PRKACB: variants seen among roughly 807,000 people sequenced by gnomAD.
PRKACB encodes the protein cAMP-dependent protein kinase catalytic subunit beta.
A neutral mutation model predicts 51.4 loss-of-function variants in PRKACB; 16 were observed. The ratio of observed to expected loss-of-function variants is 0.31; its 90% CI spans 0.21 to 0.47. The LOEUF is 0.47. PRKACB is among the 20% of genes least tolerant of loss of function. The pLI, the probability that PRKACB is intolerant of heterozygous loss-of-function variation, is 1.00. For missense variants in PRKACB, 309 were observed against 464.5 expected, an observed-to-expected ratio of 0.67 and a Z score of 3.08; for synonymous variants, 147 against 154.4, an observed-to-expected ratio of 0.95 and a Z score of 0.35.
At chr1:84,082,953 CAG>C (rs1336265237) in intron 1 of PRKACB, among the ~76,000 whole-genome samples, 4 of 152,136 alleles carry the variant, frequency 2.6e-5, no homozygotes, top group African/African-American at 9.7e-5. Flanking sequence ...CTTATTTCCT[CAG>C]AATAAGCATT....
At chr1:84,196,096 A>G (rs1249380848) in intron 5 of PRKACB, among the ~76,000 whole-genome samples, 1 of 152,194 alleles carries the variant, frequency 6.6e-6, no homozygotes, top group Non-Finnish European at 1.5e-5. Context: ...ATATTTTTCC[A>G]TAACGAGCGT....
intron 1 of PRKACB, among the ~76,000 whole-genome samples, chr1:84,153,238 C>T (rs550600329): frequency 2.0e-5 from 3 of 152,012 alleles, no homozygotes; most frequent in South Asian, 2.1e-4. Flanking sequence ...GAACACAGAT[C>T]GCCATAACAG....
At chr1:84,145,235 G>A (rs1403720276) in intron 1 of PRKACB, among the ~76,000 whole-genome samples, 2 of 151,992 alleles carry the variant, frequency 1.3e-5, no homozygotes, top group Non-Finnish European at 1.5e-5. Context: ...ACCATTTTTG[G>A]TGCCATACAC....
chr1:84,082,457 A>G (rs949832810), intron 1 of PRKACB, among the ~76,000 whole-genome samples: 2 of 152,130 alleles, frequency 1.3e-5, no homozygotes, highest in East Asian at 3.9e-4. Flanking sequence ...AACCACATAA[A>G]ACTAATTTTA....
chr1:84,172,427 CA>C (rs1217723054), intron 1 of PRKACB, among the ~76,000 whole-genome samples: 2 of 151,556 alleles, frequency 1.3e-5, no homozygotes, highest in Non-Finnish European at 3.0e-5. Flanking sequence ...GTTTTCATTA[CA>C]AAATTATGTA....
At chr1:84,202,934 G>C (rs1314109745) in intron 8 of PRKACB, 129 bp downstream of exon 8, 2 of 815,842 alleles carry the variant, frequency 2.5e-6, no homozygotes, top group Non-Finnish European at 1.7e-6. Flanking sequence ...TACAGTTGCT[G>C]CTCTTACTAT....
chr1:84,203,721 C>A (rs1018868415), intron 8 of PRKACB, among the ~76,000 whole-genome samples: 7 of 151,890 alleles, frequency 4.6e-5, no homozygotes, highest in African/African-American at 1.7e-4. Context: ...CCCACATAGT[C>A]CCATTTAGAA....
upstream of PRKACB, among the ~76,000 whole-genome samples, chr1:84,139,611 A>T (rs1653180737): frequency 6.6e-6 from 1 of 152,212 alleles, no homozygotes. Context: ...ATGATTATGG[A>T]TTGAAAGACT....
chr1:84,089,664 C>G (rs576901025), intron 1 of PRKACB, among the ~76,000 whole-genome samples: 32 of 152,168 alleles, frequency 2.1e-4, no homozygotes, highest in Non-Finnish European at 4.1e-4. Context: ...CATCTATCAT[C>G]ACTGCACCTC....
At chr1:84,195,779 G>C (rs767704540) in intron 5 of PRKACB, among the ~76,000 whole-genome samples, 6 of 152,002 alleles carry the variant, frequency 3.9e-5, no homozygotes, top group African/African-American at 4.8e-5. Context: ...CGGGCATGGT[G>C]GTGGGCGCTT....
chr1:84,181,509 A>G (rs1663462819), intron 2 of PRKACB: 1 of 429,414 alleles, frequency 2.3e-6, no homozygotes, highest in Non-Finnish European at 3.9e-6. Flanking sequence ...ATAACAAAAC[A>G]TCTATTCAAG....
intron 8 of PRKACB, chr1:84,204,367 GA>G: frequency 1.2e-5 from 9 of 765,720 alleles, no homozygotes; most frequent in Non-Finnish European, 2.0e-5. Flanking sequence ...AGGCAATACA[GA>G]AAAGCAGAAT....
At chr1:84,142,839 ATGT>A (rs1653557369), upstream of PRKACB, among the ~76,000 whole-genome samples, 1 of 152,202 alleles carries the variant, frequency 6.6e-6, no homozygotes, top group African/African-American at 2.4e-5. Flanking sequence ...TTGGCCTTTT[ATGT>A]AGTCCTAATT....
At chr1:84,094,357 T>G (rs986172825) in intron 1 of PRKACB, among the ~76,000 whole-genome samples, 12 of 152,064 alleles carry the variant, frequency 7.9e-5, no homozygotes, top group Admixed American at 6.6e-4. Flanking sequence ...TAATATTGCA[T>G]ACCTGGAATA....
At chr1:84,154,719 G>A (rs1025454463) in intron 1 of PRKACB, among the ~76,000 whole-genome samples, 5 of 151,990 alleles carry the variant, frequency 3.3e-5, no homozygotes, top group Admixed American at 6.6e-5. Context: ...CACCACAATC[G>A]AGGATGGTTC....
intron 1 of PRKACB, among the ~76,000 whole-genome samples, chr1:84,154,077 G>A (rs1397590659): frequency 6.6e-6 from 1 of 152,082 alleles, no homozygotes; most frequent in Non-Finnish European, 1.5e-5. Flanking sequence ...CAGATGTGAG[G>A]TAGTAGCTCA....
At chr1:84,226,992 C>T (rs887748839) in intron 9 of PRKACB, among the ~76,000 whole-genome samples, 1 of 151,972 alleles carries the variant, frequency 6.6e-6, no homozygotes, top group Non-Finnish European at 1.5e-5. Context: ...GGGAGACATC[C>T]TCACTTTCCT....
intron 1 of PRKACB, among the ~76,000 whole-genome samples, chr1:84,108,226 G>C (rs1649939265): frequency 6.6e-6 from 1 of 151,920 alleles, no homozygotes; most frequent in Non-Finnish European, 1.5e-5. Flanking sequence ...CAAAGGAGCA[G>C]AAAACCAACT....
At chr1:84,191,181 A>C (rs1335882351) in intron 5 of PRKACB, among the ~76,000 whole-genome samples, 1 of 151,792 alleles carries the variant, frequency 6.6e-6, no homozygotes, top group Admixed American at 6.6e-5. Flanking sequence ...CATGTTTAGG[A>C]CTCCCTTAAG....
Sources: gnomAD v4.1 joint callset for allele counts (sites outside exome capture counted in the v4.1 genomes callset) on GRCh38, gnomAD v4.1.1 for gene constraint, MANE v1.5 for transcripts, NCBI Gene and HGNC (gene_info 2026-07-23, HGNC 2026-07-21) for gene names.